PBRM1: variants seen among roughly 807,000 people sequenced by gnomAD.
PBRM1 encodes the protein polybromo 1.
PBRM1 carries 27 observed loss-of-function variants against 194.5 expected under a neutral mutation model. The ratio of observed to expected loss-of-function variants is 0.14; its 90% CI spans 0.10 to 0.19. The LOEUF is 0.19. Ranked by LOEUF, PBRM1 falls within the 10% of genes least tolerant of loss-of-function variation. PBRM1 has a pLI of 1.00. For synonymous variants in PBRM1, 655 were observed against 693.2 expected, an observed-to-expected ratio of 0.94 and a Z score of 0.87; for missense variants, 1,466 against 2,077.2, an observed-to-expected ratio of 0.71 and a Z score of 5.72.
rs567776784 is a variant in PBRM1, at chr3:52,636,757, C to CAAAAAAAA, written c.1088-1950_1088-1943dup. On this transcript the variant is annotated intron_variant, in intron 10 of 29. Transcript: ENST00000296302. ...GGGCAAAAGAGTGAAACTCTGTCTC[C>CAAAAAAAA]AAAAAAAAAAAAAAAAAAAAAAAAA... Among the ~76,000 whole-genome samples the CAAAAAAAA allele has an allele frequency of 1.0e-2, 186 of 18,674 alleles. 15 individuals are homozygous for CAAAAAAAA. Among genetic ancestry groups the CAAAAAAAA allele is most frequent in the African/African-American group, 0.014 (77 of 5,574 alleles). The allele number at this position is 18,674 out of a possible 152,430, so 12.3% of individuals were successfully genotyped here. A position where few individuals can be genotyped will look rare whatever the true frequency, so the allele number is the denominator to read the frequency against.
chr3:52,580,744 T>A (rs2090950198), intron 20 of PBRM1, among the ~76,000 whole-genome samples: 2 of 152,206 alleles, frequency 1.3e-5, no homozygotes, highest in Non-Finnish European at 2.9e-5. Flanking sequence ...TGACCTCTTA[T>A]GCCTTAGTTT....
chr3:52,661,778 T>C (rs1366660229), intron 4 of PBRM1, among the ~76,000 whole-genome samples: 3 of 152,208 alleles, frequency 2.0e-5, no homozygotes, highest in Admixed American at 6.5e-5. Flanking sequence ...ACTAAGGTGA[T>C]TACATTCCAA....
intron 15 of PBRM1, among the ~76,000 whole-genome samples, chr3:52,612,905 C>CAA (rs576855027): frequency 7.0e-5 from 6 of 85,346 alleles, no homozygotes; most frequent in Non-Finnish European, 1.6e-4. Flanking sequence ...GAATCCGTCT[C>CAA]AAAAAAAAAA....
In PBRM1 at chr3:52,644,248, T is replaced by G. The variant is rs906594124; in HGVS notation, c.899+456A>C. ...AAATGAAGCCCTTCAGCAGCAAAGGTGCTAAGAGTTACTACTATCTTCAGA... is the reference window on the plus strand; with the variant it reads ...AAATGAAGCCCTTCAGCAGCAAAGGGGCTAAGAGTTACTACTATCTTCAGA... On this transcript the variant is annotated intron_variant, in intron 8 of 29. Coordinates refer to ENST00000296302, the Ensembl canonical transcript of PBRM1. Among the ~76,000 whole-genome samples the G allele has an allele frequency of 3.3e-5, 5 of 152,050 alleles. No individual in the cohort carries two copies. In the South Asian group the frequency reaches 1.0e-3, roughly 31 times the overall value.
At chr3:52,635,089 C>A (rs979421131) in intron 10 of PBRM1, among the ~76,000 whole-genome samples, 3 of 151,988 alleles carry the variant, frequency 2.0e-5, no homozygotes, top group Admixed American at 6.6e-5. Context: ...TCACACCCAG[C>A]TAATTTTTGG....
chr3:52,548,926 T>G (rs2080149200), intron 29 of PBRM1, among the ~76,000 whole-genome samples: 1 of 152,230 alleles, frequency 6.6e-6, no homozygotes, highest in Non-Finnish European at 1.5e-5. Context: ...ACACAAGTAC[T>G]TTAGTACATA....
intron 17 of PBRM1, 113 bp from the exon 20 acceptor site, chr3:52,589,368 C>A: frequency 1.8e-6 from 1 of 570,478 alleles, no homozygotes; most frequent in Non-Finnish European, 2.8e-6. Flanking sequence ...ACATTTAATT[C>A]CATTTGCAAC....
chr3:52,586,628 G>A lies in PBRM1; in HGVS notation c.3184C>T (p.Arg1062Trp), dbSNP rs781632065. ...AAAGATTTGGTTTTGGCAGAATACCGTGATTCACAGACAAAAACATCCTCA... is the reference window on the plus strand; with the variant it reads ...AAAGATTTGGTTTTGGCAGAATACCATGATTCACAGACAAAAACATCCTCA... The change falls in exon 20 of 30, where the codon CGG (arginine) becomes TGG (tryptophan). Residue 1062 changes from arginine (R) to tryptophan (W), a missense_variant. By Grantham distance (101) the Arg-to-Trp change is moderately radical. Coordinates refer to ENST00000296302, the Ensembl canonical transcript of PBRM1. 5.6e-6 allele frequency: 9 copies of A among 1,612,032 alleles called. No homozygotes were observed. The African/African-American group carries it at 8.0e-5, about 14-fold the overall frequency.
At chr3:52,573,249 C>T (rs2088068441) in intron 22 of PBRM1, among the ~76,000 whole-genome samples, 1 of 151,984 alleles carries the variant, frequency 6.6e-6, no homozygotes, top group Admixed American at 6.6e-5. Context: ...GGATATAAAA[C>T]TGGTAGATAA....
At chr3:52,552,591 A>G (rs2081246261) in intron 27 of PBRM1, among the ~76,000 whole-genome samples, 1 of 152,126 alleles carries the variant, frequency 6.6e-6, no homozygotes, top group Non-Finnish European at 1.5e-5. Flanking sequence ...TGTCTCCTCA[A>G]TTCTAAGCAG....
chr3:52,684,380 C>A (rs1180934610), upstream of PBRM1, among the ~76,000 whole-genome samples: 6 of 151,970 alleles, frequency 3.9e-5, no homozygotes, highest in African/African-American at 1.5e-4. Context: ...TATCGACTTA[C>A]TATAGACAAA....
chr3:52,652,634 G>A (rs750262289), intron 5 of PBRM1, among the ~76,000 whole-genome samples: 1 of 151,482 alleles, frequency 6.6e-6, no homozygotes, highest in Non-Finnish European at 1.5e-5. Flanking sequence ...AGGTTGCAGC[G>A]AGCCGAGATC....
At chr3:52,675,789 C>T (rs1454309564) in intron 2 of PBRM1, among the ~76,000 whole-genome samples, 1 of 152,152 alleles carries the variant, frequency 6.6e-6, no homozygotes, top group Non-Finnish European at 1.5e-5. Flanking sequence ...TTTCAACAAA[C>T]GATACCGGGA....
intron 17 of PBRM1, among the ~76,000 whole-genome samples, chr3:52,599,638 C>T (rs1246822245): frequency 3.4e-5 from 5 of 147,314 alleles, no homozygotes; most frequent in East Asian, 2.0e-4. Flanking sequence ...AGTGACACCC[C>T]GTCTCTACTA....
chr3:52,566,113 A>G (rs1434813393), intron 22 of PBRM1, among the ~76,000 whole-genome samples: 2 of 152,288 alleles, frequency 1.3e-5, no homozygotes, highest in African/African-American at 4.8e-5. Context: ...CAGGAAAATC[A>G]AATCAAAACG....
intron 7 of PBRM1, among the ~76,000 whole-genome samples, chr3:52,646,597 T>A (rs1277689239): frequency 6.6e-6 from 1 of 151,046 alleles, no homozygotes; most frequent in East Asian, 1.9e-4. Flanking sequence ...AACCCATACA[T>A]CTATGGTCAA....
intron 26 of PBRM1, among the ~76,000 whole-genome samples, chr3:52,555,781 CAAA>C (rs1197837264): frequency 1.3e-5 from 2 of 152,090 alleles, no homozygotes; most frequent in Non-Finnish European, 2.9e-5. Flanking sequence ...CTACACATGA[CAAA>C]ATATTTTCTA....
chr3:52,668,384 C>T (rs2096881479), intron 3 of PBRM1, 114 bp downstream of exon 4: 2 of 676,026 alleles, frequency 3.0e-6, no homozygotes, highest in East Asian at 3.0e-5. Context: ...CAAATGCGAA[C>T]TCAAGCCACA....
intron 13 of PBRM1, 77 bp downstream of exon 14, chr3:52,627,196 A>AT: frequency 1.3e-6 from 1 of 761,580 alleles, no homozygotes; most frequent in African/African-American, 1.8e-5. Context: ...TAGCTTAAAA[A>AT]ATATATATTT....
Sources: allele counts gnomAD v4.1 joint callset (sites outside exome capture counted in the v4.1 genomes callset), GRCh38; gene constraint gnomAD v4.1.1; transcripts MANE v1.5; gene names NCBI Gene and HGNC (gene_info 2026-07-23, HGNC 2026-07-21).